Variants in ATP7A observed in about 807,000 individuals in gnomAD.
ATP7A encodes the protein ATPase copper transporting alpha, also known as copper-transporting ATPase 1.
Under a neutral mutation model 83.5 loss-of-function variants are expected in ATP7A, and 7 were observed. The observed-to-expected ratio is 0.08, with a 90% CI of 0.05 to 0.16. The LOEUF is 0.16. Among genes scored for constraint, ATP7A ranks in the 10% least tolerant of loss-of-function variants. The pLI is 1.00. For synonymous variants in ATP7A, 354 were observed against 395.2 expected (o/e 0.90, Z 1.24); for missense variants, 940 against 1,120.8 (o/e 0.84, Z 2.30).
At chrX:77,946,776 A>C (rs2077382678) in intron 1 of ATP7A, among the ~76,000 whole-genome samples, 2 of 108,160 alleles carry the variant, frequency 1.8e-5, no homozygotes, top group African/African-American at 6.7e-5. Flanking sequence ...AGTGTTGGCG[A>C]GAAACTGGAA....
chrX:77,912,519 C>T (rs1313305911), intron 1 of ATP7A, among the ~76,000 whole-genome samples: 3 of 111,252 alleles, frequency 2.7e-5, no homozygotes, highest in African/African-American at 9.8e-5. Flanking sequence ...AGTCAGCTCA[C>T]AAACATATCC....
chrX:77,950,558 G>A (rs2077407327), intron 1 of ATP7A, among the ~76,000 whole-genome samples: 1 of 111,588 alleles, frequency 9.0e-6, no homozygotes, highest in Non-Finnish European at 1.9e-5. Context: ...TATCTTAGCT[G>A]TTTTAATTAA....
intron 1 of ATP7A, among the ~76,000 whole-genome samples, chrX:77,971,168 G>C (rs1447191263): frequency 8.9e-6 from 1 of 111,895 alleles, no homozygotes; most frequent in African/African-American, 3.3e-5. Flanking sequence ...AGAAGGGTTT[G>C]GTGAGTGGTA....
Position 78,020,403 on chromosome X carries a change from C to T in ATP7A, c.2781+5C>T. On this transcript the variant is annotated splice_donor_5th_base_variant and intron_variant, in intron 13 of 22. Coordinates refer to ENST00000341514, the MANE Select transcript of ATP7A (RefSeq NM_000052.7). ...GAAGAGGCACAAACATCAAAGGTAA[C>T]TTAACTCCCTAGGAGAAACACAAAC... The T allele has an allele frequency of 8.3e-7, 1 of 1,208,198 alleles. No individual in the cohort carries two copies. Among genetic ancestry groups the T allele is most frequent in the Non-Finnish European group, 1.1e-6 (1 of 891,999 alleles).
In ATP7A at chrX:78,045,552, T is replaced by C. The variant is rs782505602; in HGVS notation, c.4206T>C (p.Leu1402=). Residue 1402 remains leucine (L), a synonymous_variant, in exon 22 of 23, where the codon CTT becomes CTC. Coordinates refer to ENST00000341514, the MANE Select transcript of ATP7A (RefSeq NM_000052.7). ...CTGCTTCATCTGTTTCTGTAGTACTTTCTTCTCTCTTCCTTAAACTGTAAG... is the reference window on the plus strand; with the variant it reads ...CTGCTTCATCTGTTTCTGTAGTACTCTCTTCTCTCTTCCTTAAACTGTAAG... The part of the protein sequence containing the change: ...AMAASSVSVV[L]SSLFLKLYRK... 2.5e-6 allele frequency: 3 copies of C among 1,206,343 alleles called. No homozygotes were observed. Among genetic ancestry groups the C allele is most frequent in the Middle Eastern group, 2.3e-4 (1 of 4,338 alleles).
Position 78,049,067 on chromosome X carries a change from G to C in ATP7A, c.*2497G>C. ...AAAGTCCTGCTTTAAGTAATATGTA[G>C]CCACATTTGAATCCTCTACCACAAG... On this transcript the variant is annotated 3_prime_UTR_variant, in exon 23 of 23. Transcript: ENST00000341514. 1 of 111,868 alleles carries C rather than the reference G, an allele frequency of 8.9e-6. No homozygotes were observed. Among genetic ancestry groups the C allele is most frequent in the Admixed American group, 9.5e-5 (1 of 10,483 alleles). The allele number at this position is 111,868 out of a possible 1,213,427, so 9.2% of individuals were successfully genotyped here.
chrX:77,978,452 A>T (rs1331276992), intron 2 of ATP7A, among the ~76,000 whole-genome samples: 1 of 111,576 alleles, frequency 9.0e-6, no homozygotes, highest in South Asian at 3.7e-4. Context: ...AAGAATATGT[A>T]AGATTAGTCA....
intron 1 of ATP7A, among the ~76,000 whole-genome samples, chrX:77,955,467 A>G (rs1490863882): frequency 8.9e-6 from 1 of 111,824 alleles, no homozygotes; most frequent in African/African-American, 3.2e-5. Context: ...TTATCAACAT[A>G]TATTGATACA....
At chrX:78,021,160 T>G (rs1371130657) in intron 14 of ATP7A, 81 bp downstream of exon 14, 1 of 995,900 alleles carries the variant, frequency 1.0e-6, no homozygotes, top group Non-Finnish European at 1.4e-6. Context: ...GGAAATAACT[T>G]TAATAATTAC....
At chrX:77,940,443 G>C (rs1268105690) in intron 1 of ATP7A, among the ~76,000 whole-genome samples, 3 of 110,354 alleles carry the variant, frequency 2.7e-5, no homozygotes, top group African/African-American at 9.9e-5. Context: ...TAATGATTTT[G>C]AAGAAAAAAA....
At chrX:77,972,355 T>C (rs992306318) in intron 2 of ATP7A, among the ~76,000 whole-genome samples, 2 of 109,967 alleles carry the variant, frequency 1.8e-5, no homozygotes, top group Non-Finnish European at 3.8e-5. Flanking sequence ...CCATGCTAGC[T>C]AATTTTTTTT....
rs2078090629 is a variant in ATP7A, at chrX:78,047,553, G to GTTT, written c.*984_*986dup. 1 of 111,441 alleles carries GTTT rather than the reference G, an allele frequency of 9.0e-6. No homozygotes were observed. Among genetic ancestry groups the GTTT allele is most frequent in the African/African-American group, 3.3e-5 (1 of 30,596 alleles). 9.2% of individuals were successfully genotyped at this position (111,441 alleles called of 1,213,427 possible). ...AAAATTACCTGGATTCACTAAATTT[G>GTTT]TTTGTTGTTGTTGTTGTTGTTGTTG... On this transcript the variant is annotated 3_prime_UTR_variant, in exon 23 of 23. Transcript: ENST00000341514.
intron 1 of ATP7A, among the ~76,000 whole-genome samples, chrX:77,957,168 G>A (rs2077449828): frequency 9.0e-6 from 1 of 111,357 alleles, no homozygotes; most frequent in South Asian, 3.7e-4. Flanking sequence ...TCATGTGCTT[G>A]TTGGGTATTT....
intron 1 of ATP7A, among the ~76,000 whole-genome samples, chrX:77,966,589 G>A (rs1557228763): frequency 8.9e-6 from 1 of 111,843 alleles, no homozygotes; most frequent in Non-Finnish European, 1.9e-5. Flanking sequence ...AGGCAAATCC[G>A]TAGAGATAGG....
At chrX:78,029,566 C>A in intron 15 of ATP7A, 122 bp downstream of exon 15, 1 of 744,700 alleles carries the variant, frequency 1.3e-6, no homozygotes, top group Admixed American at 2.8e-5. Context: ...GCTTCTAGGA[C>A]TATCCAGAGA....
intron 7 of ATP7A, 137 bp from the exon 8 acceptor site, chrX:78,011,039 T>A (rs1557234375): frequency 2.0e-6 from 1 of 512,618 alleles, no homozygotes; most frequent in Non-Finnish European, 3.4e-6. Context: ...AGGAAGCACA[T>A]CTTCATCTTT....
At chrX:77,983,068 C>G (rs1303877213) in intron 2 of ATP7A, among the ~76,000 whole-genome samples, 1 of 111,412 alleles carries the variant, frequency 9.0e-6, no homozygotes, top group Non-Finnish European at 1.9e-5. Context: ...TATAAGGGCA[C>G]AAATCCCAAT....
intron 2 of ATP7A, among the ~76,000 whole-genome samples, chrX:77,986,735 T>C (rs2077638853): frequency 8.9e-6 from 1 of 111,790 alleles, no homozygotes; most frequent in Non-Finnish European, 1.9e-5. Flanking sequence ...AGTATTCATG[T>C]CTTAATTCAG....
At chrX:77,917,119 G>A (rs1447378757) in intron 1 of ATP7A, among the ~76,000 whole-genome samples, 1 of 111,543 alleles carries the variant, frequency 9.0e-6, no homozygotes, top group Non-Finnish European at 1.9e-5. Context: ...TTAAATATGT[G>A]CAAGAAAACA....
Sources: gnomAD v4.1 joint callset for allele counts (sites outside exome capture counted in the v4.1 genomes callset) on GRCh38, gnomAD v4.1.1 for gene constraint, MANE v1.5 for transcripts, NCBI Gene and HGNC (gene_info 2026-07-23, HGNC 2026-07-21) for gene names.